Variants in GRIN2A observed in about 807,000 individuals in gnomAD.
GRIN2A encodes the protein glutamate receptor ionotropic, NMDA 2A.
Under a neutral mutation model 113.4 loss-of-function variants are expected in GRIN2A, and 22 were observed. The observed-to-expected ratio is 0.19, with a 90% confidence interval of 0.14 to 0.28. The LOEUF is 0.28. Among genes scored for constraint, GRIN2A ranks in the 10% least tolerant of loss-of-function variants. The pLI is 1.00. For missense variants in GRIN2A, 1,502 were observed against 1,887.0 expected, an observed-to-expected ratio of 0.80 and a Z score of 3.78; for synonymous variants, 827 against 738.4, an observed-to-expected ratio of 1.12 and a Z score of -1.94.
chr16:9,866,434 C>A (rs2043161085), intron 4 of GRIN2A, among the ~76,000 whole-genome samples: 2 of 152,096 alleles, frequency 1.3e-5, no homozygotes, highest in South Asian at 2.1e-4. Context: ...CAGGAAGAAA[C>A]ACAAATATAT....
At chr16:10,168,037 A>C (rs561195168) in intron 2 of GRIN2A, among the ~76,000 whole-genome samples, 10 of 152,310 alleles carry the variant, frequency 6.6e-5, no homozygotes, top group African/African-American at 2.4e-4. Flanking sequence ...AAACAAGCTG[A>C]ATATACTTTA....
chr16:10,093,423 A>T (rs2048223779), intron 2 of GRIN2A, among the ~76,000 whole-genome samples: 1 of 152,192 alleles, frequency 6.6e-6, no homozygotes, highest in South Asian at 2.1e-4. Context: ...CCTGACTTGT[A>T]GGAGGGGCTG....
chr16:10,039,741 G>A (rs2047108159), intron 2 of GRIN2A, among the ~76,000 whole-genome samples: 1 of 140,500 alleles, frequency 7.1e-6, no homozygotes, highest in African/African-American at 2.6e-5. Flanking sequence ...CCTCAGCAAT[G>A]AGGAGCCTGA....
At chr16:9,782,108 C>T (rs1046080671) in intron 11 of GRIN2A, among the ~76,000 whole-genome samples, 1 of 152,124 alleles carries the variant, frequency 6.6e-6, no homozygotes, top group Non-Finnish European at 1.5e-5. Context: ...ATTATATGTA[C>T]AGTCAGCCCT....
rs895893672 is a variant in GRIN2A at position 9,758,354 on chromosome 16, C to T, written c.*4795G>A. 4.5e-6 allele frequency: 1 copy of T among 223,616 alleles called. No homozygotes were observed. The highest frequency in any genetic ancestry group is 8.9e-6 in the Non-Finnish European group (1 of 112,044). The allele number at this position is 223,616 out of a possible 1,614,324, so 13.9% of individuals were successfully genotyped here. ...AAATGCGAGCAGAATATATTCTATA[C>T]CCCTCATCCCAGAGTTTTGTTTTTT... is the stretch of plus-strand genomic sequence containing the variant. On this transcript the variant is annotated 3_prime_UTR_variant, in exon 13 of 13. Transcript: ENST00000330684.
chr16:10,030,679 C>T (rs191184204), intron 2 of GRIN2A, among the ~76,000 whole-genome samples: 17 of 152,336 alleles, frequency 1.1e-4, no homozygotes, highest in African/African-American at 3.8e-4. Flanking sequence ...AGGGGTCTCT[C>T]TCATCTTTCC....
chr16:9,864,369 T>C (rs978700362), intron 4 of GRIN2A, among the ~76,000 whole-genome samples: 3 of 152,176 alleles, frequency 2.0e-5, no homozygotes, highest in African/African-American at 7.2e-5. Flanking sequence ...AATTCATTCT[T>C]ACCAGCCTGA....
chr16:9,952,866 G>C (rs1275490271), intron 2 of GRIN2A, among the ~76,000 whole-genome samples: 10 of 152,270 alleles, frequency 6.6e-5, no homozygotes, highest in East Asian at 5.8e-4. Context: ...GGAAGAAAAA[G>C]AGGGAGGAAG....
At chr16:10,053,002 C>T (rs1478688539) in intron 2 of GRIN2A, among the ~76,000 whole-genome samples, 1 of 150,126 alleles carries the variant, frequency 6.7e-6, no homozygotes, top group African/African-American at 2.5e-5. Flanking sequence ...GAGCAGAGAT[C>T]ACGCCATTGC....
At chr16:10,015,337 G>T (rs929121230) in intron 2 of GRIN2A, among the ~76,000 whole-genome samples, 1 of 150,618 alleles carries the variant, frequency 6.6e-6, no homozygotes, top group Admixed American at 6.6e-5. Flanking sequence ...TCTTACTAAG[G>T]GTAGGAGGAA....
chr16:9,905,645 G>A (rs2141532221), intron 3 of GRIN2A, among the ~76,000 whole-genome samples: 1 of 152,298 alleles, frequency 6.6e-6, no homozygotes, highest in East Asian at 1.9e-4. Flanking sequence ...CCCTTCTGGG[G>A]CAGAGCGATG....
intron 2 of GRIN2A, among the ~76,000 whole-genome samples, chr16:10,109,018 A>T (rs1336582279): frequency 3.6e-5 from 1 of 27,864 alleles, no homozygotes; most frequent in Non-Finnish European, 1.9e-4. Context: ...TCTCTTTAAA[A>T]AAAAAAAAAA....
rs111346223 is a variant in GRIN2A at position 9,758,410 on chromosome 16, A to G, written c.*4739T>C. ...AGGGGCCAAGAACGCCAACACCCAT[A>G]TTCTACTTAGGCTCTGTCATCCTCC... On this transcript the variant is annotated 3_prime_UTR_variant, in exon 13 of 13. Coordinates refer to ENST00000330684, the MANE Select transcript of GRIN2A (RefSeq NM_001134407.3). The G allele has an allele frequency of 0.021, 4,749 of 222,302 alleles. 77 individuals are homozygous for G. The highest frequency in any genetic ancestry group is 0.059 in the African/African-American group (2,649 of 44,836). 13.8% of individuals were successfully genotyped at this position (222,302 alleles called of 1,614,324 possible). A position where few individuals can be genotyped will look rare whatever the true frequency, so the allele number is the denominator to read the frequency against.
intron 2 of GRIN2A, among the ~76,000 whole-genome samples, chr16:10,057,086 C>A (rs1326162761): frequency 6.6e-6 from 1 of 151,816 alleles, no homozygotes; most frequent in East Asian, 1.9e-4. Context: ...TCCATCCAAC[C>A]ATGCATCCAT....
intron 2 of GRIN2A, among the ~76,000 whole-genome samples, chr16:10,040,102 A>G (rs892902144): frequency 2.6e-4 from 29 of 111,284 alleles, no homozygotes; most frequent in Non-Finnish European, 1.1e-4. Flanking sequence ...AATACACTAC[A>G]CACATCCACA....
intron 2 of GRIN2A, chr16:10,112,872 C>G: frequency 1.9e-6 from 1 of 521,944 alleles, no homozygotes; most frequent in South Asian, 1.7e-5. Context: ...TTACCAGAAG[C>G]AGCTGTACTG....
chr16:9,873,838 A>C (rs1369510910), intron 4 of GRIN2A, among the ~76,000 whole-genome samples: 1 of 152,200 alleles, frequency 6.6e-6, no homozygotes, highest in African/African-American at 2.4e-5. Flanking sequence ...ACACACTTTA[A>C]TTGTGGAAAG....
chr16:9,978,411 G>A (rs1269996264), intron 2 of GRIN2A, among the ~76,000 whole-genome samples: 2 of 152,142 alleles, frequency 1.3e-5, no homozygotes, highest in African/African-American at 4.8e-5. Flanking sequence ...TTATTGTGAT[G>A]ATTAACATGA....
At chr16:9,998,004 A>ATTTAT (rs2141835064) in intron 2 of GRIN2A, among the ~76,000 whole-genome samples, 1 of 152,308 alleles carries the variant, frequency 6.6e-6, no homozygotes, top group Admixed American at 6.5e-5. Context: ...AGACTAATAC[A>ATTTAT]TGTACCTACT....
Sources: allele counts gnomAD v4.1 joint callset (sites outside exome capture counted in the v4.1 genomes callset), GRCh38; gene constraint gnomAD v4.1.1; transcripts MANE v1.5; gene names NCBI Gene and HGNC (gene_info 2026-07-23, HGNC 2026-07-21).